FAT4: variants seen among roughly 807,000 people sequenced by gnomAD.
FAT4 encodes FAT atypical cadherin 4.
FAT4 carries 84 observed loss-of-function variants against 303.9 expected under a neutral mutation model. The observed-to-expected ratio is 0.28, with a 90% confidence interval of 0.23 to 0.33. FAT4 has a LOEUF of 0.33. FAT4 is among the 10% of genes least tolerant of loss of function. The pLI is 1.00. For synonymous variants in FAT4, 2,307 were observed against 2,298.8 expected (o/e 1.00, Z -0.10); for missense variants, 6,005 against 6,146.8 (o/e 0.98, Z 0.77).
chr4:125,448,291 A>T (rs1725898023), intron 9 of FAT4, among the ~76,000 whole-genome samples, 170 bp from the exon 10 acceptor site: 1 of 152,130 alleles, frequency 6.6e-6, no homozygotes, highest in Non-Finnish European at 1.5e-5. Flanking sequence ...CATAGAGCAG[A>T]TTTGACTTGT....
Position 125,337,780 on chromosome 4 carries a change from GA to G in FAT4, c.5175+16196del, listed in dbSNP as rs199771093. Reference sequence around the variant, plus strand: ...TTGAATTCAAATCTAGGGAACTTGGGAAGAAAAATAAAACTCTTTTAGAGAG... The same window carrying G: ...TTGAATTCAAATCTAGGGAACTTGGGAGAAAAATAAAACTCTTTTAGAGAG... On this transcript the variant is annotated intron_variant, in intron 2 of 17. Transcript: ENST00000394329. Among the ~76,000 whole-genome samples the G allele has an allele frequency of 9.7e-3, 1,468 of 152,006 alleles. 23 individuals are homozygous for G. Among genetic ancestry groups the G allele is most frequent in the African/African-American group, 0.034 (1,398 of 41,514 alleles).
chr4:125,489,024 C>T (rs1727509500), intron 17 of FAT4, among the ~76,000 whole-genome samples: 1 of 152,054 alleles, frequency 6.6e-6, no homozygotes, highest in Non-Finnish European at 1.5e-5. Flanking sequence ...GAGAATGTCA[C>T]TATGGTAGAA....
chr4:125,466,614 G>GAC (rs1726668957), intron 11 of FAT4, among the ~76,000 whole-genome samples: 1 of 88,668 alleles, frequency 1.1e-5, no homozygotes, highest in Non-Finnish European at 2.3e-5. Flanking sequence ...CTACAGGATA[G>GAC]ATATAAGTAT....
In FAT4 at chr4:125,454,957, A is replaced by G. The variant is rs574019278; in HGVS notation, c.11800+2147A>G. Among the ~76,000 whole-genome samples, 29 of 152,300 alleles carry G rather than the reference A, an allele frequency of 1.9e-4. 1 individual carries two copies. Among genetic ancestry groups the G allele is most frequent in the African/African-American group, 6.3e-4 (26 of 41,578 alleles). On this transcript the variant is annotated intron_variant, in intron 10 of 17. Transcript: ENST00000394329. ...ATAGAGGAGTACCACAGAATTTTTA[A>G]AAAGACATGAAACCTGTGTAGCGGA...
intron 11 of FAT4, among the ~76,000 whole-genome samples, chr4:125,467,144 T>G: frequency 7.6e-6 from 1 of 131,406 alleles, no homozygotes; most frequent in Admixed American, 8.3e-5. Context: ...AAGGAAAAGA[T>G]AAATAACACA....
rs370926669 is a variant in FAT4, at chr4:125,318,309, G to T, written c.1898G>T (p.Arg633Leu). 4.3e-6 allele frequency: 7 copies of T among 1,614,096 alleles called. No individual in the cohort carries two copies. Among genetic ancestry groups the T allele is most frequent in the Non-Finnish European group, 5.9e-6 (7 of 1,180,050 alleles). ...GCAGAGACTGACCGGAGGTCCTTCC[G>T]TCTGGATCCTGTGTCTGGGAGGTTG... ...QEAETDRRSF[R>L]LDPVSGRLST... Residue 633 changes from arginine to leucine, a missense_variant, in exon 2 of 18, where the codon CGT becomes CTT. By Grantham distance (102) the Arg-to-Leu change is moderately radical. Transcript: ENST00000394329.
At chr4:125,330,409 CT>C (rs1158534565) in intron 2 of FAT4, among the ~76,000 whole-genome samples, 1 of 152,202 alleles carries the variant, frequency 6.6e-6, no homozygotes, top group East Asian at 1.9e-4. Flanking sequence ...TGGAATGCCC[CT>C]GGAACTAGTT....
chr4:125,387,793 A>G (rs1733812457), intron 2 of FAT4, among the ~76,000 whole-genome samples: 1 of 152,222 alleles, frequency 6.6e-6, no homozygotes, highest in South Asian at 2.1e-4. Context: ...TGTGCTGCTC[A>G]TGTTAGACCA....
intron 2 of FAT4, among the ~76,000 whole-genome samples, chr4:125,359,468 T>C (rs2710556): frequency 0.52 from 79,684 of 152,014 alleles, 20,924 homozygotes; most frequent in Admixed American, 0.62. Context: ...ACTGCTTATA[T>C]GTTCAAATGC....
At position 125,485,449 on chromosome 4, in the gene FAT4, G is replaced by A. The variant is rs536013201; in HGVS notation, c.12823-1896G>A. Among the ~76,000 whole-genome samples the A allele has an allele frequency of 8.9e-4, 135 of 151,152 alleles. 2 individuals are homozygous for A. In the South Asian group the frequency reaches 0.028, roughly 31 times the overall value. ...TTTTTACTTTTAAACTTTTGCATTA[G>A]TAACTAAGAAACAAAAAAACACATT... On this transcript the variant is annotated intron_variant, in intron 16 of 17. Coordinates refer to ENST00000394329, the MANE Select transcript of FAT4 (RefSeq NM_001291303.3).
intron 2 of FAT4, among the ~76,000 whole-genome samples, chr4:125,323,778 G>A (rs1731047004): frequency 6.6e-6 from 1 of 152,106 alleles, no homozygotes; most frequent in African/African-American, 2.4e-5. Flanking sequence ...ATTTCCTCTT[G>A]TTATCAAAGG....
intron 2 of FAT4, among the ~76,000 whole-genome samples, chr4:125,364,478 A>G (rs1732791274): frequency 6.6e-6 from 1 of 152,096 alleles, no homozygotes; most frequent in Non-Finnish European, 1.5e-5. Flanking sequence ...AGGAGAAAGA[A>G]TAGGGGACTT....
chr4:125,352,675 T>A (rs1403058443), intron 2 of FAT4, among the ~76,000 whole-genome samples: 2 of 151,800 alleles, frequency 1.3e-5, no homozygotes, highest in Non-Finnish European at 2.9e-5. Context: ...CAGAGACAAG[T>A]TCTTCAGATT....
At chr4:125,442,417 A>C (rs917582913) in intron 8 of FAT4, among the ~76,000 whole-genome samples, 3 of 151,882 alleles carry the variant, frequency 2.0e-5, no homozygotes, top group African/African-American at 7.3e-5. Context: ...TAGTCCCTTT[A>C]TCCATTTAAC....
intron 11 of FAT4, among the ~76,000 whole-genome samples, chr4:125,464,890 T>G (rs1339945057): frequency 6.6e-6 from 1 of 152,164 alleles, no homozygotes; most frequent in Non-Finnish European, 1.5e-5. Context: ...CATATAACTG[T>G]GCTATATGGA....
intron 2 of FAT4, among the ~76,000 whole-genome samples, chr4:125,387,863 G>A (rs1460303531): frequency 6.6e-6 from 1 of 152,106 alleles, no homozygotes; most frequent in Non-Finnish European, 1.5e-5. Flanking sequence ...CATTGTTTTG[G>A]CTTTTGTATC....
At chr4:125,333,478 G>A (rs1333372339) in intron 2 of FAT4, among the ~76,000 whole-genome samples, 1 of 152,126 alleles carries the variant, frequency 6.6e-6, no homozygotes, top group Non-Finnish European at 1.5e-5. Context: ...TTTATTTATG[G>A]ATCAAAAGAG....
At chr4:125,404,644 T>C (rs1329522186) in intron 3 of FAT4, among the ~76,000 whole-genome samples, 1 of 152,172 alleles carries the variant, frequency 6.6e-6, no homozygotes, top group Non-Finnish European at 1.5e-5. Context: ...TTGTTAACTA[T>C]AGGCACGATG....
intron 7 of FAT4, among the ~76,000 whole-genome samples, chr4:125,428,262 C>T (rs1299159271): frequency 2.6e-5 from 4 of 152,046 alleles, no homozygotes; most frequent in East Asian, 1.9e-4. Flanking sequence ...CACACCGCTG[C>T]TCTTCAGCCT....
Sources: allele counts gnomAD v4.1 joint callset (sites outside exome capture counted in the v4.1 genomes callset), GRCh38; gene constraint gnomAD v4.1.1; transcripts MANE v1.5; gene names NCBI Gene and HGNC (gene_info 2026-07-23, HGNC 2026-07-21).